The following GRIP1 variants were observed in gnomAD, a reference collection of about 807,000 sequenced individuals.
The protein encoded by GRIP1 is glutamate receptor-interacting protein 1.
Under a neutral mutation model 129.9 loss-of-function variants are expected in GRIP1, and 45 were observed. That is an observed-to-expected ratio of 0.35 (90% CI 0.27 to 0.44). GRIP1 has a LOEUF of 0.44. GRIP1 is among the 20% of genes least tolerant of loss of function. GRIP1 has a pLI of 1.00. For synonymous variants in GRIP1, 530 were observed against 520.8 expected (o/e 1.02, Z -0.24); for missense variants, 1,196 against 1,396.8 (o/e 0.86, Z 2.29).
chr12:66,643,226 G>A (rs1012804838), intron 1 of GRIP1, among the ~76,000 whole-genome samples: 5 of 152,212 alleles, frequency 3.3e-5, no homozygotes, highest in Admixed American at 6.5e-5. Flanking sequence ...TAAAATGTGC[G>A]TTGGGTTTCA....
chr12:67,065,198 C>T (rs889496362), intron 1 of GRIP1: 1 of 145,046 alleles, frequency 6.9e-6, no homozygotes. Flanking sequence ...ACTAGCCAGC[C>T]ATGGTGGTAA....
Position 67,063,938 on chromosome 12 carries a change from C to A in GRIP1, c.58+5112G>T, listed in dbSNP as rs372304598. On this transcript the variant is annotated intron_variant, in intron 1 of 1. Transcript: ENST00000643019. ...AAATATACAATGGCTGTTAACAATACAATCATTTCCCAGTTTTTCACAGTA... is the reference window on the plus strand; with the variant it reads ...AAATATACAATGGCTGTTAACAATAAAATCATTTCCCAGTTTTTCACAGTA... Among the ~76,000 whole-genome samples, 75 of 152,142 alleles carry A rather than the reference C, an allele frequency of 4.9e-4. 2 individuals are homozygous for A. In the South Asian group the frequency reaches 0.015, roughly 31 times the overall value.
intron 7 of GRIP1, among the ~76,000 whole-genome samples, chr12:66,480,177 G>A (rs1425295601): frequency 1.3e-5 from 2 of 152,084 alleles, no homozygotes; most frequent in African/African-American, 4.8e-5. Flanking sequence ...ACCTCATCAT[G>A]TCAGCCCCAA....
chr12:66,604,253 G>A (rs2064408772), intron 1 of GRIP1, among the ~76,000 whole-genome samples: 3 of 152,158 alleles, frequency 2.0e-5, no homozygotes, highest in Non-Finnish European at 4.4e-5. Context: ...AGGCCTTTTG[G>A]GAAAGTAATA....
intron 1 of GRIP1, among the ~76,000 whole-genome samples, chr12:66,794,905 G>A (rs1213468503): frequency 6.6e-6 from 1 of 152,134 alleles, no homozygotes; most frequent in Non-Finnish European, 1.5e-5. Context: ...ACAGTTTTAA[G>A]GTGATGGGGA....
chr12:66,555,874 C>T (rs923480970), intron 2 of GRIP1, among the ~76,000 whole-genome samples: 4 of 150,706 alleles, frequency 2.7e-5, no homozygotes, highest in Admixed American at 6.6e-5. Flanking sequence ...ATAGAGGAGA[C>T]AAAAGAAAAA....
At position 66,931,007 on chromosome 12, in the gene GRIP1, T is replaced by C. The variant is rs373889803; in HGVS notation, c.58+138043A>G. ...TAACTCATCAAAGAGCAAAATATTT[T>C]TTAAAATGCAATGCACTCCCCAGCT... On this transcript the variant is annotated intron_variant, in intron 1 of 1. Transcript: ENST00000643019. 1.6e-3 allele frequency among the ~76,000 whole-genome samples: 249 copies of C among 152,296 alleles called. 1 individual carries two copies. Among genetic ancestry groups the C allele is most frequent in the African/African-American group, 5.3e-3 (220 of 41,568 alleles).
Position 66,348,849 on chromosome 12 carries a change from A to C in GRIP1, c.*170T>G, listed in dbSNP as rs1592661209. ...TGGTCACCAAAAAAGAAACCTCTTC[A>C]ACTTGAAAAGGGAAGTGAACATGAG... On this transcript the variant is annotated 3_prime_UTR_variant, in exon 25 of 25. Coordinates refer to ENST00000359742, the MANE Select transcript of GRIP1 (RefSeq NM_001366722.1). 1.5e-6 allele frequency: 1 copy of C among 668,070 alleles called. No individual in the cohort carries two copies. Among genetic ancestry groups the C allele is most frequent in the Admixed American group, 2.4e-5 (1 of 41,120 alleles). 41.4% of individuals were successfully genotyped at this position (668,070 alleles called of 1,614,324 possible).
intron 1 of GRIP1, among the ~76,000 whole-genome samples, chr12:66,715,494 G>A (rs1463640090): frequency 1.3e-5 from 2 of 150,880 alleles, no homozygotes; most frequent in African/African-American, 4.9e-5. Context: ...GAGAGAGAGA[G>A]AGAGAGAGAG....
intron 1 of GRIP1, among the ~76,000 whole-genome samples, chr12:66,851,218 A>G (rs1160283192): frequency 6.6e-6 from 1 of 151,860 alleles, no homozygotes; most frequent in Non-Finnish European, 1.5e-5. Flanking sequence ...CCTTTTCAAA[A>G]GCTTCATCAT....
At position 66,603,282 on chromosome 12, in the gene GRIP1, G is replaced by GAT. The variant is rs368032166; in HGVS notation, c.56-6357_56-6356dup. On this transcript the variant is annotated intron_variant, in intron 1 of 24. Transcript: ENST00000359742. ...AATGTCTTCTAATTAACCATAATCT[G>GAT]ATAAACACTTCAGGGATTAAATATT... Among the ~76,000 whole-genome samples the GAT allele has an allele frequency of 2.1e-3, 325 of 152,116 alleles. 1 individual carries two copies. The highest frequency in any genetic ancestry group is 7.5e-3 in the African/African-American group (313 of 41,508).
At chr12:66,909,801 A>G (rs1183089513) in intron 1 of GRIP1, among the ~76,000 whole-genome samples, 2 of 152,038 alleles carry the variant, frequency 1.3e-5, no homozygotes, top group African/African-American at 4.8e-5. Flanking sequence ...TTCTCTTCTA[A>G]TATGTCTAAA....
At chr12:66,876,618 G>C (rs768389353) in intron 1 of GRIP1, among the ~76,000 whole-genome samples, 1 of 152,050 alleles carries the variant, frequency 6.6e-6, no homozygotes. Flanking sequence ...AACTAGTTGA[G>C]TGACTGGTTT....
chr12:66,928,302 AC>A (rs1242403838), intron 1 of GRIP1, among the ~76,000 whole-genome samples: 1 of 152,182 alleles, frequency 6.6e-6, no homozygotes, highest in African/African-American at 2.4e-5. Context: ...ATCCTCTAAG[AC>A]CCAGTCGGAG....
chr12:66,434,084 T>C (rs1040376828), intron 13 of GRIP1, among the ~76,000 whole-genome samples: 1 of 152,200 alleles, frequency 6.6e-6, no homozygotes, highest in Non-Finnish European at 1.5e-5. Flanking sequence ...AAAATTCAGG[T>C]ATTAAATGTC....
chr12:67,044,688 T>G (rs951147408), intron 1 of GRIP1, among the ~76,000 whole-genome samples: 4 of 152,208 alleles, frequency 2.6e-5, no homozygotes, highest in Admixed American at 1.3e-4. Context: ...CTCTAGTGAC[T>G]GTCATAATGT....
intron 1 of GRIP1, among the ~76,000 whole-genome samples, chr12:66,964,786 C>T (rs11176499): frequency 0.17 from 26,049 of 152,046 alleles, 2,318 homozygotes; most frequent in African/African-American, 0.22. Flanking sequence ...TTTATTTTCT[C>T]ACAGTTCTGG....
chr12:66,672,924 T>C (rs541294843), intron 1 of GRIP1, among the ~76,000 whole-genome samples: 29 of 152,280 alleles, frequency 1.9e-4, no homozygotes, highest in Middle Eastern at 6.8e-3. Flanking sequence ...TTTTTGTTTG[T>C]TTGTTTTTGC....
At chr12:66,399,267 G>A (rs1217772636) in intron 16 of GRIP1, among the ~76,000 whole-genome samples, 1 of 151,768 alleles carries the variant, frequency 6.6e-6, no homozygotes, top group Admixed American at 6.6e-5. Context: ...CTGCCTTCTC[G>A]GGCTTTAACT....
Sources: gnomAD v4.1 joint callset for allele counts (sites outside exome capture counted in the v4.1 genomes callset) on GRCh38, gnomAD v4.1.1 for gene constraint, MANE v1.5 for transcripts, NCBI Gene and HGNC (gene_info 2026-07-23, HGNC 2026-07-21) for gene names.